Variants in HOXA10 observed in about 807,000 individuals in gnomAD.
The protein encoded by HOXA10 is homeobox protein Hox-A10.
HOXA10 carries 12 observed loss-of-function variants against 29.7 expected under a neutral mutation model. That is an observed-to-expected ratio of 0.40 (90% confidence interval 0.26 to 0.65). The LOEUF (loss-of-function observed/expected upper bound fraction) is 0.65. Ranked by LOEUF, HOXA10 falls within the 30% of genes least tolerant of loss-of-function variation. The probability of loss-of-function intolerance (pLI) is 0.37; values close to 1 mark genes in which losing one functional copy is unlikely to be tolerated. For missense variants in HOXA10, 656 were observed against 585.9 expected, an observed-to-expected ratio of 1.12 and a Z score of -1.24; for synonymous variants, 327 against 280.7, an observed-to-expected ratio of 1.16 and a Z score of -1.65.
At position 27,170,808 on chromosome 7, in the gene HOXA10, T is replaced by C. The variant is rs1048387945; in HGVS notation, c.*1091A>G. The C allele has an allele frequency of 1.2e-5, 5 of 412,662 alleles. No homozygotes were observed. Among genetic ancestry groups the C allele is most frequent in the Non-Finnish European group, 2.3e-5 (5 of 213,218 alleles). The allele number at this position is 412,662 out of a possible 1,614,324, so 25.6% of individuals were successfully genotyped here. A position where few individuals can be genotyped will look rare whatever the true frequency, so the allele number is the denominator to read the frequency against. Reference sequence around the variant, plus strand: ...AGACATTTATACAGATTTGTATTTATAGTTTTTTTCTTTTTCTGCATCTAC... The same window carrying C: ...AGACATTTATACAGATTTGTATTTACAGTTTTTTTCTTTTTCTGCATCTAC... On this transcript the variant is annotated 3_prime_UTR_variant, in exon 2 of 2. Coordinates refer to ENST00000283921, the MANE Select transcript of HOXA10 (RefSeq NM_018951.4).
At position 27,171,635 on chromosome 7, in the gene HOXA10, A is replaced by G; in HGVS notation, c.*264T>C. On this transcript the variant is annotated 3_prime_UTR_variant, in exon 2 of 2. Transcript: ENST00000283921. The stretch of plus-strand genomic sequence containing the variant: ...CCAGCCCAGTCAGGACTTGACACTT[A>G]GGACAATATCTATCTCTATAGAATT... 1.6e-6 allele frequency: 1 copy of G among 613,930 alleles called. No individual in the cohort carries two copies. The highest frequency in any genetic ancestry group is 3.0e-6 in the Non-Finnish European group (1 of 330,554). The allele number at this position is 613,930 out of a possible 1,614,324, so 38.0% of individuals were successfully genotyped here.
chr7:27,171,837 T>C lies in HOXA10; in HGVS notation c.*62A>G. ...CAGGTGCGAGTTCCTGGGCAGAGCC[T>C]GAAGACAGAGGGAGGGGACCAGCGC... On this transcript the variant is annotated 3_prime_UTR_variant, in exon 2 of 2. Coordinates refer to ENST00000283921, the MANE Select transcript of HOXA10 (RefSeq NM_018951.4). 1.3e-6 allele frequency: 2 copies of C among 1,566,886 alleles called. No homozygotes were observed. The highest frequency in any genetic ancestry group is 2.2e-5 in the South Asian group (2 of 89,994).
At position 27,173,851 on chromosome 7, in the gene HOXA10, C is replaced by A; in HGVS notation, c.456G>T (p.Pro152=). 1 of 1,607,632 alleles carries A rather than the reference C, an allele frequency of 6.2e-7. No individual in the cohort carries two copies. Among genetic ancestry groups the A allele is most frequent in the East Asian group, 2.2e-5 (1 of 44,506 alleles). The change falls in exon 1 of 2, where the codon CCG becomes CCT. Residue 152 remains proline, a synonymous_variant. Coordinates refer to ENST00000283921, the MANE Select transcript of HOXA10 (RefSeq NM_018951.4). ...PPPPQPPQPA[P]QATSCSFAQN... ...GCGCGAAAGAGCACGAGGTGGCCTG[C>A]GGCGCTGGCTGGGGTGGTTGCGGCG...
rs897407076 is a variant in HOXA10, at chr7:27,172,626, T to A, written c.959-453A>T. ...AGGGCCCTGATTGCCCAAGACTCGA[T>A]AAGGGGAGAAAGAAGGGCATCATTG... On this transcript the variant is annotated intron_variant, in intron 1 of 1. Transcript: ENST00000283921. The A allele has an allele frequency of 3.4e-5, 7 of 208,472 alleles. No individual in the cohort carries two copies. The East Asian group carries it at 7.0e-4, about 21-fold the overall frequency. The allele number at this position is 208,472 out of a possible 1,614,324, so 12.9% of individuals were successfully genotyped here.
In HOXA10 at chr7:27,174,064, G is replaced by T; in HGVS notation, c.243C>A (p.Phe81Leu). Residue 81 changes from phenylalanine to leucine, a missense_variant, in exon 1 of 2, where the codon TTC (phenylalanine) becomes TTA (leucine). Phe to Leu is a conservative substitution (Grantham distance 22). This residue lies in a region of HOXA10 where 594 missense variants were observed against 491.9 expected (regional missense o/e 1.21). Transcript: ENST00000283921. ...LPYGLQSCGL[F>L]PTLGGKRNEA... ...CATTGCGCTTGCCGCCCAGCGTGGGGAAGAGCCCGCAGCTCTGCAGCCCGT... is the reference window on the plus strand; with the variant it reads ...CATTGCGCTTGCCGCCCAGCGTGGGTAAGAGCCCGCAGCTCTGCAGCCCGT... 1 of 1,551,664 alleles carries T rather than the reference G, an allele frequency of 6.4e-7. No individual in the cohort carries two copies. The highest frequency in any genetic ancestry group is 8.7e-7 in the Non-Finnish European group (1 of 1,155,276).
At chr7:27,177,807 G>T (rs900449075), upstream of HOXA10, among the ~76,000 whole-genome samples, 1 of 152,028 alleles carries the variant, frequency 6.6e-6, no homozygotes, top group African/African-American at 2.4e-5. Flanking sequence ...CTCCCTCAGG[G>T]TAACTTTGAC....
chr7:27,175,324 A>G (rs1363067662), upstream of HOXA10: 1 of 152,266 alleles, frequency 6.6e-6, no homozygotes, highest in Non-Finnish European at 1.5e-5. Flanking sequence ...CTCTCCTGTT[A>G]GCTTTGGCAC....
chr7:27,177,769 A>G (rs941430711), upstream of HOXA10, among the ~76,000 whole-genome samples: 2 of 152,046 alleles, frequency 1.3e-5, no homozygotes. Context: ...CTTTTTTGCC[A>G]TTCTTCCCAG....
chr7:27,179,338 C>A (rs1168335681), intron 1 of HOXA10, among the ~76,000 whole-genome samples: 2 of 148,902 alleles, frequency 1.3e-5, no homozygotes, highest in South Asian at 2.1e-4. Context: ...CCTCCCACAA[C>A]CCCCTATCGC....
In HOXA10 at chr7:27,173,633, C is replaced by T; in HGVS notation, c.674G>A (p.Gly225Asp). Reference sequence around the variant, plus strand: ...CGCGCCGCCGCCGCCGCTGCCATAGCCCTTGGCGGTGCCGTAGGCCTGAGA... The same window carrying T: ...CGCGCCGCCGCCGCCGCTGCCATAGTCCTTGGCGGTGCCGTAGGCCTGAGA... ...RLSQAYGTAK[G>D]YGSGGGGAQQ... Residue 225 changes from glycine to aspartate, a missense_variant, in exon 1 of 2, where the codon GGC becomes GAC. Gly to Asp is a moderately conservative substitution (Grantham distance 94, BLOSUM62 -1). Transcript: ENST00000283921. 1 of 1,544,456 alleles carries T rather than the reference C, an allele frequency of 6.5e-7. No homozygotes were observed. The highest frequency in any genetic ancestry group is 1.4e-5 in the African/African-American group (1 of 72,600).
In HOXA10 at chr7:27,173,739, G is replaced by GA. The variant is rs1318053025; in HGVS notation, c.567dup (p.Pro190SerfsTer136). ...TCGGGCGGCGGGCCCCGCGGGAAGG[G>GA]AGCCAGTTCGGCGGCGGTGGCCGAG... On this transcript the variant is annotated frameshift_variant, in exon 1 of 2. Transcript: ENST00000283921. LOFTEE classifies it high-confidence loss of function. 6.3e-7 allele frequency: 1 copy of GA among 1,597,886 alleles called. No individual in the cohort carries two copies. Among genetic ancestry groups the GA allele is most frequent in the Admixed American group, 1.7e-5 (1 of 58,310 alleles).
Position 27,174,142 on chromosome 7 carries a change from GCCACCGCCGCCGCCCCCCGCGCCA to G in HOXA10, c.141_164del (p.Ala49_Gly56del). The G allele has an allele frequency of 6.3e-7, 1 of 1,594,756 alleles. No homozygotes were observed. The highest frequency in any genetic ancestry group is 2.1e-4 in the Middle Eastern group (1 of 4,876). ...AGACCCCGCCGTGGGCGTAGTAACC[GCCACCGCCGCCGCCCCCCGCGCCA>G]CCACCACCGCCGCCTGCCTCGCCTC... On this transcript the variant is annotated inframe_deletion, in exon 1 of 2. Coordinates refer to ENST00000283921, the MANE Select transcript of HOXA10 (RefSeq NM_018951.4).
chr7:27,171,182 T>C lies in HOXA10; in HGVS notation c.*717A>G, dbSNP rs1783470769. The stretch of plus-strand genomic sequence containing the variant: ...CATTTTAGTCAGGCAATGTAAGACC[T>C]TACAGAAACTGGAAGAGAAGTCCCC... On this transcript the variant is annotated 3_prime_UTR_variant, in exon 2 of 2. Transcript: ENST00000283921. 2.2e-6 allele frequency: 1 copy of C among 454,060 alleles called. No individual in the cohort carries two copies. Among genetic ancestry groups the C allele is most frequent in the African/African-American group, 2.0e-5 (1 of 49,968 alleles). The allele number at this position is 454,060 out of a possible 1,614,324, so 28.1% of individuals were successfully genotyped here.
At chr7:27,178,991 A>G (rs1783703223), upstream of HOXA10, among the ~76,000 whole-genome samples, 1 of 152,266 alleles carries the variant, frequency 6.6e-6, no homozygotes, top group South Asian at 2.1e-4. Context: ...TATTTGCAAA[A>G]TATCTTCTAC....
Position 27,173,851 on chromosome 7 carries a change from C to T in HOXA10, c.456G>A (p.Pro152=), listed in dbSNP as rs779553896. The part of the protein sequence containing the change: ...PPPPQPPQPA[P]QATSCSFAQN... Reference sequence around the variant, plus strand: ...GCGCGAAAGAGCACGAGGTGGCCTGCGGCGCTGGCTGGGGTGGTTGCGGCG... The same window carrying T: ...GCGCGAAAGAGCACGAGGTGGCCTGTGGCGCTGGCTGGGGTGGTTGCGGCG... The change falls in exon 1 of 2, where the codon CCG becomes CCA. Residue 152 remains proline (P), a synonymous_variant. Transcript: ENST00000283921. The T allele has an allele frequency of 1.4e-5, 23 of 1,607,520 alleles. 1 individual carries two copies. Among genetic ancestry groups the T allele is most frequent in the Middle Eastern group, 1.7e-4 (1 of 6,020 alleles).
In HOXA10 at chr7:27,174,201, T is replaced by C; in HGVS notation, c.106A>G (p.Ser36Gly). The change falls in exon 1 of 2, where the codon AGC becomes GGC. Residue 36 changes from serine to glycine, a missense_variant. Physicochemically the swap from Ser to Gly is moderately conservative, Grantham distance 56. Coordinates refer to ENST00000283921, the MANE Select transcript of HOXA10 (RefSeq NM_018951.4). The part of the protein sequence containing the change: ...ANSFLVDSLI[S>G]SGRGEAGGGG... ...CCGCCTGCCTCGCCTCTGCCCGAGC[T>C]GATGAGCGAGTCGACCAAAAAAGAG... The C allele has an allele frequency of 3.1e-6, 5 of 1,600,886 alleles. No homozygotes were observed. The highest frequency in any genetic ancestry group is 4.2e-6 in the Non-Finnish European group (5 of 1,179,790).
rs1188868064 is a variant in HOXA10 at position 27,173,755 on chromosome 7, G to T, written c.552C>A (p.Thr184=). The change falls in exon 1 of 2, where the codon ACC becomes ACA. Residue 184 remains threonine, a synonymous_variant. Coordinates refer to ENST00000283921, the MANE Select transcript of HOXA10 (RefSeq NM_018951.4). ...GCGGGAAGGGAGCCAGTTCGGCGGC[G>T]GTGGCCGAGACTTTGGGGCATTTGT... The part of the protein sequence containing the change: ...SADKCPKVSA[T]AAELAPFPRG... 4.4e-6 allele frequency: 7 copies of T among 1,604,474 alleles called. No homozygotes were observed. Among genetic ancestry groups the T allele is most frequent in the Non-Finnish European group, 5.1e-6 (6 of 1,176,090 alleles).
exon 1 of HOXA10, chr7:27,179,860 C>T (rs1489209778): frequency 1.4e-6 from 1 of 691,136 alleles, no homozygotes; most frequent in Admixed American, 2.0e-5. Flanking sequence ...AAGAATCATG[C>T]TGGGGTTCCC....
chr7:27,173,858 G>C lies in HOXA10; in HGVS notation c.449C>G (p.Pro150Arg). Residue 150 changes from proline to arginine, a missense_variant, in exon 1 of 2, where the codon CCA (proline) becomes CGA (arginine). This residue lies in a region of HOXA10 where 594 missense variants were observed against 491.9 expected (regional missense o/e 1.21). Transcript: ENST00000283921. ...AGAGCACGAGGTGGCCTGCGGCGCTGGCTGGGGTGGTTGCGGCGGGGGCGG... is the reference window on the plus strand; with the variant it reads ...AGAGCACGAGGTGGCCTGCGGCGCTCGCTGGGGTGGTTGCGGCGGGGGCGG... Reference protein sequence around the residue: ...QPPPPPQPPQPAPQATSCSFA... With the variant: ...QPPPPPQPPQRAPQATSCSFA... 6.2e-7 allele frequency: 1 copy of C among 1,602,664 alleles called. No homozygotes were observed. Among genetic ancestry groups the C allele is most frequent in the African/African-American group, 1.4e-5 (1 of 73,704 alleles).
Sources: allele counts gnomAD v4.1 joint callset (sites outside exome capture counted in the v4.1 genomes callset), GRCh38; gene constraint gnomAD v4.1.1; regional missense constraint gnomAD v4.1.1; transcripts MANE v1.5; gene names NCBI Gene and HGNC (gene_info 2026-07-23, HGNC 2026-07-21).